Variants in BAIAP2 observed in about 807,000 individuals in gnomAD.
The protein encoded by BAIAP2 is BAR/IMD domain-containing adapter protein 2.
BAIAP2 carries 18 observed loss-of-function variants against 63.0 expected under a neutral mutation model. The observed-to-expected ratio is 0.29, with a 90% CI of 0.20 to 0.42. The LOEUF is 0.42. BAIAP2 is among the 10% of genes least tolerant of loss of function. The pLI, the probability that BAIAP2 is intolerant of heterozygous loss-of-function variation, is 1.00. For synonymous variants in BAIAP2, 386 were observed against 307.6 expected, an observed-to-expected ratio of 1.25 and a Z score of -2.67; for missense variants, 610 against 734.3, an observed-to-expected ratio of 0.83 and a Z score of 1.96.
At chr17:81,072,345 C>G (rs2052836151) in intron 3 of BAIAP2, among the ~76,000 whole-genome samples, 1 of 152,238 alleles carries the variant, frequency 6.6e-6, no homozygotes, top group African/African-American at 2.4e-5. Flanking sequence ...CCCATGTAAT[C>G]AGGGAACAGG....
intron 3 of BAIAP2, among the ~76,000 whole-genome samples, chr17:81,082,557 A>G (rs1421983978): frequency 1.3e-5 from 2 of 152,230 alleles, no homozygotes; most frequent in Admixed American, 1.3e-4. Flanking sequence ...TCTCTGGAGA[A>G]GCAGCCAGGC....
rs772995403 is a variant in BAIAP2, at chr17:81,046,102, C to T, written c.55-7566C>T. Among the ~76,000 whole-genome samples the T allele has an allele frequency of 7.2e-5, 11 of 152,082 alleles. No homozygotes were observed. The highest frequency in any genetic ancestry group is 1.6e-4 in the Non-Finnish European group (11 of 67,988). On this transcript the variant is annotated intron_variant, in intron 1 of 13. Coordinates refer to ENST00000428708, the MANE Select transcript of BAIAP2 (RefSeq NM_001144888.2). This position sits in a 1 kb window ranked among gnomAD's most constrained non-coding sequence, Gnocchi z 4.5. Reference sequence around the variant, plus strand: ...AATACTCACAGGGAGGCAGAGCTGCCGGCTCCTGCACGCCCAGCTGCAGGG... The same window carrying T: ...AATACTCACAGGGAGGCAGAGCTGCTGGCTCCTGCACGCCCAGCTGCAGGG...
At chr17:81,068,591 C>G (rs1027670372) in intron 3 of BAIAP2, among the ~76,000 whole-genome samples, 1 of 152,220 alleles carries the variant, frequency 6.6e-6, no homozygotes, top group South Asian at 2.1e-4. Flanking sequence ...AGTCAGCAGC[C>G]GCACAGACGG....
intron 6 of BAIAP2, among the ~76,000 whole-genome samples, chr17:81,096,475 C>T (rs951640293): frequency 1.3e-5 from 2 of 152,276 alleles, no homozygotes; most frequent in African/African-American, 4.8e-5. Context: ...CCCCAGCATC[C>T]CTGGCAGTTC....
At position 81,115,829 on chromosome 17, in the gene BAIAP2, T is replaced by C. The variant is rs757169580; in HGVS notation, c.1595T>C (p.Leu532Pro). Reference protein sequence around the residue: ...PTVTNDRSAPLLS With the variant: ...PTVTNDRSAPPLS ...GTGACCAACGACAGGTCTGCCCCCCTCCTCAGCTGATGGCCACATCTGCAG... is the reference window on the plus strand; with the variant it reads ...GTGACCAACGACAGGTCTGCCCCCCCCCTCAGCTGATGGCCACATCTGCAG... Residue 532 changes from leucine (L) to proline (P), a missense_variant, in exon 14 of 14, where the codon CTC becomes CCC. Physicochemically the swap from Leu to Pro is moderately conservative, Grantham distance 98 (BLOSUM62 -3). Transcript: ENST00000428708. The C allele has an allele frequency of 6.8e-6, 11 of 1,613,402 alleles. No homozygotes were observed. The highest frequency in any genetic ancestry group is 9.3e-6 in the Non-Finnish European group (11 of 1,179,982).
At chr17:81,079,086 C>G (rs1415191738) in intron 3 of BAIAP2, among the ~76,000 whole-genome samples, 1 of 152,206 alleles carries the variant, frequency 6.6e-6, no homozygotes, top group Non-Finnish European at 1.5e-5. Context: ...CCCTCTCCGC[C>G]AGGTGCTGCG....
At chr17:81,079,744 C>G (rs149603248) in intron 3 of BAIAP2, among the ~76,000 whole-genome samples, 26 of 152,336 alleles carry the variant, frequency 1.7e-4, no homozygotes, top group African/African-American at 6.0e-4. Flanking sequence ...TGCTGTGTGC[C>G]CTGGCCCGCT....
At chr17:81,112,976 AGCC>A (rs1276729064) in intron 13 of BAIAP2, among the ~76,000 whole-genome samples, 4 of 152,308 alleles carry the variant, frequency 2.6e-5, no homozygotes, top group African/African-American at 4.8e-5. Flanking sequence ...GGATTGCTTG[AGCC>A]CAGAGGTGGA....
At chr17:81,093,381 T>C (rs545508815) in intron 6 of BAIAP2, among the ~76,000 whole-genome samples, 2 of 150,742 alleles carry the variant, frequency 1.3e-5, no homozygotes, top group African/African-American at 2.4e-5. Flanking sequence ...GGGGCTTTTC[T>C]GGACAGAGAT....
chr17:81,117,396 G>T lies in BAIAP2; in HGVS notation c.*1557G>T, dbSNP rs2060576977. 6.6e-6 allele frequency: 1 copy of T among 152,272 alleles called. No homozygotes were observed. The highest frequency in any genetic ancestry group is 6.5e-5 in the Admixed American group (1 of 15,282). 9.4% of individuals were successfully genotyped at this position (152,272 alleles called of 1,614,324 possible). A position where few individuals can be genotyped will look rare whatever the true frequency, so the allele number is the denominator to read the frequency against. ...CAAAACACAAAACAAATCCCCCTGC[G>T]AAGCAACAATAAACTTTACATCTCT... On this transcript the variant is annotated 3_prime_UTR_variant, in exon 14 of 14. Coordinates refer to ENST00000428708, the MANE Select transcript of BAIAP2 (RefSeq NM_001144888.2).
At position 81,070,142 on chromosome 17, in the gene BAIAP2, A is replaced by G. The variant is rs548937369; in HGVS notation, c.217+12175A>G. ...CCTGTATACTTTCTAAACTTTTTGT[A>G]GAGACAAGAGCTTGCTTTGTTGCCC... On this transcript the variant is annotated intron_variant, in intron 3 of 13. Transcript: ENST00000428708. Among the ~76,000 whole-genome samples, 13 of 152,248 alleles carry G rather than the reference A, an allele frequency of 8.5e-5. No homozygotes were observed. The South Asian group carries it at 2.7e-3, about 32-fold the overall frequency.
At chr17:81,061,473 A>G (rs563004451) in intron 3 of BAIAP2, among the ~76,000 whole-genome samples, 1 of 152,272 alleles carries the variant, frequency 6.6e-6, no homozygotes, top group Non-Finnish European at 1.5e-5. Context: ...GCTTTCTGTC[A>G]CTGTAATTTA....
At chr17:81,055,316 C>T (rs1280699051) in intron 2 of BAIAP2, among the ~76,000 whole-genome samples, 1 of 152,198 alleles carries the variant, frequency 6.6e-6, no homozygotes, top group Admixed American at 6.5e-5. Flanking sequence ...CCAGTTGTGC[C>T]CGCCTGCCAC....
intron 9 of BAIAP2, 148 bp from the exon 10 acceptor site, chr17:81,104,366 A>G: frequency 2.2e-6 from 2 of 918,698 alleles, no homozygotes; most frequent in East Asian, 5.0e-5. Flanking sequence ...ACTTGGGAGC[A>G]GGTAGCTGCT....
intron 6 of BAIAP2, chr17:81,098,136 C>G (rs927376631): frequency 1.4e-6 from 2 of 1,454,730 alleles, no homozygotes; most frequent in East Asian, 5.2e-5. Context: ...CCCAGAGGGA[C>G]AGAGGCAGAG....
chr17:81,079,083 C>T (rs1047140328), intron 3 of BAIAP2, among the ~76,000 whole-genome samples: 5 of 152,186 alleles, frequency 3.3e-5, no homozygotes, highest in East Asian at 3.8e-4. Context: ...GGGCCCTCTC[C>T]GCCAGGTGCT....
chr17:81,050,917 C>T (rs1259560326), intron 1 of BAIAP2, among the ~76,000 whole-genome samples: 1 of 151,816 alleles, frequency 6.6e-6, no homozygotes, highest in Non-Finnish European at 1.5e-5. Flanking sequence ...CATTTCCCGA[C>T]CGCCTTCACC....
At chr17:81,053,595 C>A in intron 1 of BAIAP2, 73 bp from the exon 2 acceptor site, 2 of 1,549,394 alleles carry the variant, frequency 1.3e-6, no homozygotes, top group Non-Finnish European at 1.8e-6. Context: ...GTTTTCTCCT[C>A]TGTGTTCGGA....
chr17:81,078,021 C>T (rs1354986912), intron 3 of BAIAP2, among the ~76,000 whole-genome samples: 5 of 132,488 alleles, frequency 3.8e-5, no homozygotes, highest in African/African-American at 5.9e-5. Context: ...GGCACAGGTG[C>T]GGGTGCCATC....
Sources: allele counts gnomAD v4.1 joint callset (sites outside exome capture counted in the v4.1 genomes callset), GRCh38; gene constraint gnomAD v4.1.1; non-coding constraint Gnocchi (gnomAD v3.1); transcripts MANE v1.5; gene names NCBI Gene and HGNC (gene_info 2026-07-23, HGNC 2026-07-21).